MAP2K1: variants seen among roughly 807,000 people sequenced by gnomAD.
MAP2K1 encodes the protein dual specificity mitogen-activated protein kinase kinase 1.
A neutral mutation model predicts 46.3 loss-of-function variants in MAP2K1; 16 were observed. The ratio of observed to expected loss-of-function variants is 0.35; its 90% CI spans 0.23 to 0.52. MAP2K1 has a LOEUF of 0.52. Among genes scored for constraint, MAP2K1 ranks in the 20% least tolerant of loss-of-function variants. The pLI is 0.94. For missense variants in MAP2K1, 263 were observed against 497.1 expected, an observed-to-expected ratio of 0.53 and a Z score of 4.48; for synonymous variants, 183 against 185.6, an observed-to-expected ratio of 0.99 and a Z score of 0.11.
At chr15:66,449,402 G>C (rs1891974057) in intron 5 of MAP2K1, among the ~76,000 whole-genome samples, 1 of 152,184 alleles carries the variant, frequency 6.6e-6, no homozygotes, top group African/African-American at 2.4e-5. Context: ...CGAAATTTTA[G>C]AACAGACAAT....
chr15:66,448,245 T>G (rs527959428), intron 5 of MAP2K1, among the ~76,000 whole-genome samples: 1 of 152,006 alleles, frequency 6.6e-6, no homozygotes, highest in East Asian at 1.9e-4. Context: ...GTTTGACTAC[T>G]CTAGGTACCT....
chr15:66,486,704 C>G (rs1443712347), intron 7 of MAP2K1, among the ~76,000 whole-genome samples: 1 of 152,076 alleles, frequency 6.6e-6, no homozygotes, highest in African/African-American at 2.4e-5. Flanking sequence ...CCAGGGATAC[C>G]TGCCCTGTAC....
At chr15:66,489,105 A>G (rs567459142) in intron 8 of MAP2K1, 110 bp from the exon 9 acceptor site, 2 of 854,632 alleles carry the variant, frequency 2.3e-6, no homozygotes, top group South Asian at 2.7e-5. Context: ...TGGACTGCAG[A>G]GAAGACTTTA....
chr15:66,441,345 C>T (rs1052601773), intron 3 of MAP2K1, among the ~76,000 whole-genome samples: 2 of 152,160 alleles, frequency 1.3e-5, no homozygotes, highest in African/African-American at 4.8e-5. Flanking sequence ...TCTGGGCTGC[C>T]CCCTGTCCTA....
At chr15:66,416,596 C>G (rs1290887247) in intron 1 of MAP2K1, among the ~76,000 whole-genome samples, 1 of 152,218 alleles carries the variant, frequency 6.6e-6, no homozygotes, top group East Asian at 1.9e-4. Context: ...GGTTTAGATT[C>G]TCATCATCAG....
chr15:66,439,935 C>CAAAAAA (rs36081187), intron 3 of MAP2K1, among the ~76,000 whole-genome samples: 1 of 115,802 alleles, frequency 8.6e-6, no homozygotes, highest in Non-Finnish European at 1.8e-5. Context: ...AACTCCATCT[C>CAAAAAA]AAAAAAAAAA....
chr15:66,457,229 G>C (rs559589499), intron 5 of MAP2K1, among the ~76,000 whole-genome samples: 1 of 152,134 alleles, frequency 6.6e-6, no homozygotes, highest in Non-Finnish European at 1.5e-5. Flanking sequence ...AGAGATTCTC[G>C]TGCCTCAGCC....
Position 66,436,886 on chromosome 15 carries a change from G to A in MAP2K1, c.432G>A (p.Glu144=), listed in dbSNP as rs897186833. 1 of 1,614,120 alleles carries A rather than the reference G, an allele frequency of 6.2e-7. No homozygotes were observed. Among genetic ancestry groups the A allele is most frequent in the African/African-American group, 1.3e-5 (1 of 75,056 alleles). ...ATGGCGAGATCAGTATCTGCATGGA[G>A]CACATGGTATGTGACACCCTCTCAG... The part of the protein sequence containing the change: ...YSDGEISICM[E]HMDGGSLDQV... The change falls in exon 3 of 11, where the codon GAG becomes GAA. Residue 144 remains glutamate (E), a synonymous_variant. Coordinates refer to ENST00000307102, the MANE Select transcript of MAP2K1 (RefSeq NM_002755.4).
At chr15:66,447,373 G>GAC (rs1315322299) in intron 5 of MAP2K1, among the ~76,000 whole-genome samples, 1 of 152,040 alleles carries the variant, frequency 6.6e-6, no homozygotes, top group Non-Finnish European at 1.5e-5. Context: ...TCTGGGGTAG[G>GAC]GCACAGGGAC....
intron 5 of MAP2K1, among the ~76,000 whole-genome samples, chr15:66,480,479 A>G (rs776933573): frequency 6.6e-5 from 10 of 152,138 alleles, no homozygotes; most frequent in Non-Finnish European, 1.5e-4. Flanking sequence ...ACTCACGCCT[A>G]TAGTCCCAGC....
At chr15:66,395,573 ATTTTTT>A (rs58172562) in intron 1 of MAP2K1, among the ~76,000 whole-genome samples, 10 of 98,562 alleles carry the variant, frequency 1.0e-4, no homozygotes, top group South Asian at 3.7e-4. Flanking sequence ...TTCTTGCATG[ATTTTTT>A]TTTTTTTTTT....
At chr15:66,475,395 C>T (rs1271952553) in intron 5 of MAP2K1, among the ~76,000 whole-genome samples, 1 of 152,126 alleles carries the variant, frequency 6.6e-6, no homozygotes, top group African/African-American at 2.4e-5. Flanking sequence ...TTGGATTCAG[C>T]CTTTGTCACA....
chr15:66,407,322 G>A (rs993575761), intron 1 of MAP2K1, among the ~76,000 whole-genome samples: 1 of 152,160 alleles, frequency 6.6e-6, no homozygotes, highest in African/African-American at 2.4e-5. Flanking sequence ...GCCCCCACAA[G>A]CGTTTCATTT....
intron 5 of MAP2K1, among the ~76,000 whole-genome samples, chr15:66,462,676 C>G (rs1892357260): frequency 6.6e-6 from 1 of 151,826 alleles, no homozygotes; most frequent in Non-Finnish European, 1.5e-5. Context: ...TAAAAAACCT[C>G]AAGGGTTCCA....
chr15:66,479,845 G>C (rs1892871668), intron 5 of MAP2K1, among the ~76,000 whole-genome samples: 1 of 152,114 alleles, frequency 6.6e-6, no homozygotes, highest in African/African-American at 2.4e-5. Flanking sequence ...ATGAAGAGGG[G>C]CCAAGTGGAG....
At chr15:66,416,745 T>G (rs1023130901) in intron 1 of MAP2K1, among the ~76,000 whole-genome samples, 4 of 152,192 alleles carry the variant, frequency 2.6e-5, no homozygotes, top group African/African-American at 9.7e-5. Context: ...AAGCTATTTG[T>G]GTGCACAGCA....
At chr15:66,485,280 A>C in intron 7 of MAP2K1, 89 bp downstream of exon 7, 1 of 1,250,814 alleles carries the variant, frequency 8.0e-7, no homozygotes, top group Non-Finnish European at 1.1e-6. Context: ...TTCTCTGTAC[A>C]TTCTGCCAAG....
At chr15:66,472,549 T>G (rs1300690815) in intron 5 of MAP2K1, among the ~76,000 whole-genome samples, 2 of 152,116 alleles carry the variant, frequency 1.3e-5, no homozygotes, top group African/African-American at 4.8e-5. Context: ...GAGCTGTAAG[T>G]GGCCCAGCCT....
At chr15:66,478,159 G>T (rs1442641708) in intron 5 of MAP2K1, among the ~76,000 whole-genome samples, 2 of 151,298 alleles carry the variant, frequency 1.3e-5, no homozygotes, top group Non-Finnish European at 2.9e-5. Context: ...TTGCTCAAAT[G>T]TCCTCTCCTC....
Sources: allele counts gnomAD v4.1 joint callset (sites outside exome capture counted in the v4.1 genomes callset), GRCh38; gene constraint gnomAD v4.1.1; transcripts MANE v1.5; gene names NCBI Gene and HGNC (gene_info 2026-07-23, HGNC 2026-07-21).